SETD9: variants seen among roughly 807,000 people sequenced by gnomAD.
SETD9 encodes the protein SET domain-containing protein 9.
Under a neutral mutation model 36.4 loss-of-function variants are expected in SETD9, and 37 were observed. The observed-to-expected ratio is 1.02, with a 90% CI of 0.78 to 1.34. SETD9 has a LOEUF of 1.34. SETD9 is among the 40% of genes most tolerant of loss of function. SETD9 has a pLI of 0.00. For missense variants in SETD9, 323 were observed against 353.2 expected (o/e 0.91, Z 0.69); for synonymous variants, 128 against 132.9 (o/e 0.96, Z 0.26).
rs1326782840 is a variant in SETD9, at chr5:56,911,482, G to A, written c.412G>A (p.Val138Ile). ...CTCATTGATTTCTGCTGGAAAAGGT[G>A]TCTTCGTTACTAAAGGATTGGTACC... is the stretch of plus-strand genomic sequence containing the variant. ...TSSLISAGKG[V>I]FVTKGLVPKG... is the part of the protein sequence containing the mutation. The change falls in exon 2 of 6, where the codon GTC becomes ATC. Residue 138 changes from valine to isoleucine, a missense_variant. By Grantham distance (29) the Val-to-Ile change is conservative (BLOSUM62 3). Coordinates refer to ENST00000285947, the MANE Select transcript of SETD9 (RefSeq NM_153706.4). 1.2e-6 allele frequency: 2 copies of A among 1,604,400 alleles called. No individual in the cohort carries two copies. Among genetic ancestry groups the A allele is most frequent in the Non-Finnish European group, 1.7e-6 (2 of 1,176,746 alleles).
chr5:56,921,043 G>GA (rs1749648480), downstream of SETD9: 1 of 152,458 alleles, frequency 6.6e-6, no homozygotes. Flanking sequence ...CTTTAGATAA[G>GA]AAACACTGTT....
chr5:56,916,718 G>A, intron 5 of SETD9, 97 bp from the exon 6 acceptor site: 1 of 1,269,992 alleles, frequency 7.9e-7, no homozygotes, highest in Non-Finnish European at 1.1e-6. Context: ...GAAGGAACCT[G>A]AGTAAAGTTA....
chr5:56,918,922 G>C (rs1320268824), downstream of SETD9, among the ~76,000 whole-genome samples: 3 of 152,138 alleles, frequency 2.0e-5, no homozygotes, highest in Non-Finnish European at 4.4e-5. Context: ...GTTTAGGAAA[G>C]ATAGATATGA....
chr5:56,912,406 C>A, intron 2 of SETD9: 1 of 253,280 alleles, frequency 3.9e-6, no homozygotes, highest in Non-Finnish European at 6.2e-6. Context: ...AAAATTCATT[C>A]TCCTGTTTTC....
intron 2 of SETD9, 53 bp from the exon 3 acceptor site, chr5:56,912,956 AGT>A (rs1157375456): frequency 2.6e-6 from 4 of 1,553,302 alleles, no homozygotes; most frequent in Non-Finnish European, 3.5e-6. Context: ...TTCTTATCGC[AGT>A]GTTTATGATT....
At chr5:56,928,655 C>T, downstream of SETD9, 1 of 433,204 alleles carries the variant, frequency 2.3e-6, no homozygotes, top group Non-Finnish European at 4.0e-6. Flanking sequence ...ATCTGAAATG[C>T]TATAAGGGAA....
intron 1 of SETD9, chr5:56,910,076 C>T (rs1749028853): frequency 2.4e-6 from 3 of 1,266,170 alleles, no homozygotes; most frequent in African/African-American, 3.1e-5. Flanking sequence ...CCGAGCTCGC[C>T]AGCCGGATGT....
chr5:56,910,246 G>T (rs33321), intron 1 of SETD9: 771,706 of 1,298,776 alleles, frequency 0.59, 239,172 homozygotes, highest in Non-Finnish European at 0.64. Context: ...GAAAAGCCAA[G>T]CCAGGGTTTA....
At chr5:56,928,379 T>C (rs1047252235), downstream of SETD9, 3 of 154,264 alleles carry the variant, frequency 1.9e-5, no homozygotes, top group Non-Finnish European at 4.3e-5. Context: ...TGTTAGAATA[T>C]GTTTCTAGTT....
chr5:56,909,795 G>T (rs1164599042), intron 1 of SETD9, 52 bp downstream of exon 1: 1 of 1,352,708 alleles, frequency 7.4e-7, no homozygotes, highest in Admixed American at 2.0e-5. Context: ...GTTCCCAGAC[G>T]CCACCACGGC....
chr5:56,927,557 T>A (rs1750053222), downstream of SETD9, among the ~76,000 whole-genome samples: 1 of 152,206 alleles, frequency 6.6e-6, no homozygotes, highest in South Asian at 2.1e-4. Flanking sequence ...AACATACATA[T>A]GTATTTTGAA....
At chr5:56,917,717 C>T (rs1749490932), downstream of SETD9, among the ~76,000 whole-genome samples, 1 of 152,214 alleles carries the variant, frequency 6.6e-6, no homozygotes, top group South Asian at 2.1e-4. Context: ...CAGAGAATAG[C>T]CTGTAGCCAG....
chr5:56,920,189 T>C (rs918818339), downstream of SETD9: 7 of 152,576 alleles, frequency 4.6e-5, no homozygotes, highest in Non-Finnish European at 8.8e-5. Context: ...AATTTTAGTA[T>C]TTTTTAAACA....
At chr5:56,913,766 T>C (rs1037631867) in intron 3 of SETD9, 108 bp from the exon 4 acceptor site, 54 of 608,038 alleles carry the variant, frequency 8.9e-5, no homozygotes, top group Non-Finnish European at 1.4e-4. Context: ...CTAAAGTCTT[T>C]TTTTTTTTTT....
upstream of SETD9, chr5:56,909,583 G>T (rs553875008): frequency 2.9e-6 from 4 of 1,381,324 alleles, no homozygotes; most frequent in Non-Finnish European, 3.9e-6. Context: ...CCGGGCCGGG[G>T]CGGGCCCGAG....
intron 5 of SETD9, among the ~76,000 whole-genome samples, chr5:56,916,005 T>C (rs1749405109): frequency 6.6e-6 from 1 of 152,108 alleles, no homozygotes; most frequent in Admixed American, 6.5e-5. Context: ...TAACTTTTGC[T>C]TCTCTGCATG....
intron 5 of SETD9, among the ~76,000 whole-genome samples, chr5:56,916,359 A>G (rs1965681): frequency 0.092 from 13,901 of 151,618 alleles, 652 homozygotes; most frequent in East Asian, 0.14. Context: ...ACCACTGCAC[A>G]CCAGCCTGGG....
At chr5:56,928,679 T>C (rs936802071), downstream of SETD9, 18 of 908,516 alleles carry the variant, frequency 2.0e-5, no homozygotes, top group Non-Finnish European at 5.1e-6. Flanking sequence ...TAGTAAGTTG[T>C]TCTTTTTTCC....
chr5:56,923,062 G>T, intron 5 of SETD9: 1 of 1,398,092 alleles, frequency 7.2e-7, no homozygotes, highest in Non-Finnish European at 9.9e-7. Flanking sequence ...GAAAGACTAT[G>T]CAAACCTGAT....
Sources: allele counts gnomAD v4.1 joint callset (sites outside exome capture counted in the v4.1 genomes callset), GRCh38; gene constraint gnomAD v4.1.1; transcripts MANE v1.5; gene names NCBI Gene and HGNC (gene_info 2026-07-23, HGNC 2026-07-21).